The following VPS13B variants were observed in gnomAD, a reference collection of about 807,000 sequenced individuals.
The protein encoded by VPS13B is vacuolar protein sorting 13 homolog B, also known as intermembrane lipid transfer protein VPS13B.
In VPS13B, 285 loss-of-function variants were observed where a neutral mutation model predicts 426.4. The ratio of observed to expected loss-of-function variants is 0.67; its 90% CI spans 0.61 to 0.74. VPS13B has a LOEUF of 0.74. VPS13B is among the 30% of genes least tolerant of loss of function. The probability of loss-of-function intolerance (pLI) is 0.00; values close to 1 mark genes in which losing one functional copy is unlikely to be tolerated. For synonymous variants in VPS13B, 1,676 were observed against 1,676.4 expected (o/e 1.00, Z 0.01); for missense variants, 4,537 against 4,782.6 (o/e 0.95, Z 1.51).
At chr8:99,774,434 T>C (rs1192107782) in intron 40 of VPS13B, among the ~76,000 whole-genome samples, 1 of 152,200 alleles carries the variant, frequency 6.6e-6, no homozygotes, top group African/African-American at 2.4e-5. Context: ...ATCAATTTGT[T>C]ATAAGTAAAG....
In VPS13B at chr8:99,082,068, A is replaced by G. The variant is rs530878511; in HGVS notation, c.292-14244A>G. 2.6e-5 allele frequency among the ~76,000 whole-genome samples: 4 copies of G among 152,332 alleles called. No homozygotes were observed. In the East Asian group the frequency reaches 5.8e-4, roughly 22 times the overall value. ...TTCTACAGTGGTTGAACTAGTTTAT[A>G]GTCCCACCAACAGTGTAAAAGTGTT... On this transcript the variant is annotated intron_variant, in intron 3 of 61. Transcript: ENST00000357162.
chr8:99,768,393 GT>G (rs1430464589), intron 40 of VPS13B, among the ~76,000 whole-genome samples: 2 of 152,100 alleles, frequency 1.3e-5, no homozygotes, highest in African/African-American at 4.8e-5. Flanking sequence ...CTTTTACAAG[GT>G]TATAATCATA....
chr8:99,321,638 G>A (rs1444766300), intron 19 of VPS13B, among the ~76,000 whole-genome samples: 5 of 152,162 alleles, frequency 3.3e-5, no homozygotes, highest in Non-Finnish European at 5.9e-5. Flanking sequence ...TCTTAAAAAT[G>A]TAAGTACATC....
chr8:99,786,856 G>T (rs1416435124), intron 43 of VPS13B, among the ~76,000 whole-genome samples: 2 of 152,116 alleles, frequency 1.3e-5, no homozygotes, highest in African/African-American at 4.8e-5. Context: ...GGCCCAGAGG[G>T]TCTTCATGGG....
chr8:99,724,282 A>G (rs1833243780), intron 39 of VPS13B, among the ~76,000 whole-genome samples: 1 of 152,184 alleles, frequency 6.6e-6, no homozygotes, highest in Admixed American at 6.6e-5. Flanking sequence ...TCAGTCTAGC[A>G]GGGAAATTTC....
chr8:99,519,742 A>G (rs1588457820), intron 29 of VPS13B, among the ~76,000 whole-genome samples: 2 of 145,874 alleles, frequency 1.4e-5, no homozygotes, highest in South Asian at 2.3e-4. Flanking sequence ...GTAGGTGGGA[A>G]TTGAACAATG....
chr8:99,217,201 C>T (rs889278194), intron 17 of VPS13B, among the ~76,000 whole-genome samples: 5 of 152,134 alleles, frequency 3.3e-5, no homozygotes, highest in South Asian at 2.1e-4. Context: ...ACAATAATTG[C>T]TAACACATAA....
chr8:99,476,519 C>T (rs563300080), intron 24 of VPS13B, among the ~76,000 whole-genome samples: 3 of 151,868 alleles, frequency 2.0e-5, no homozygotes, highest in South Asian at 4.2e-4. Flanking sequence ...ATCTACATAC[C>T]TCATAATCCA....
At chr8:99,571,583 T>C (rs940549489) in intron 31 of VPS13B, among the ~76,000 whole-genome samples, 1 of 152,186 alleles carries the variant, frequency 6.6e-6, no homozygotes, top group Admixed American at 6.5e-5. Context: ...GTACCCTTTT[T>C]TTCATTGCCC....
chr8:99,162,678 G>A (rs1464611581), intron 15 of VPS13B, among the ~76,000 whole-genome samples: 1 of 152,144 alleles, frequency 6.6e-6, no homozygotes, highest in Non-Finnish European at 1.5e-5. Context: ...TCATGGTCTC[G>A]CTGGGCTCAG....
intron 21 of VPS13B, among the ~76,000 whole-genome samples, chr8:99,404,456 G>T (rs1815223076): frequency 1.3e-5 from 2 of 152,166 alleles, no homozygotes; most frequent in Admixed American, 1.3e-4. Flanking sequence ...ATGTCACGCT[G>T]ACTTGCAGAA....
chr8:99,610,774 A>T (rs1393020776), intron 33 of VPS13B, among the ~76,000 whole-genome samples: 2 of 152,208 alleles, frequency 1.3e-5, no homozygotes, highest in East Asian at 3.8e-4. Context: ...TTCAGAAAAT[A>T]AACAATATTA....
At chr8:99,303,861 T>C (rs11988631) in intron 19 of VPS13B, among the ~76,000 whole-genome samples, 1 of 151,958 alleles carries the variant, frequency 6.6e-6, no homozygotes. Flanking sequence ...CTCAGTAAGG[T>C]GATCTATTTT....
intron 17 of VPS13B, among the ~76,000 whole-genome samples, chr8:99,234,779 A>G (rs918518564): frequency 1.3e-5 from 2 of 152,224 alleles, no homozygotes; most frequent in African/African-American, 4.8e-5. Flanking sequence ...CATTTAAACT[A>G]TATACATTTT....
intron 6 of VPS13B, among the ~76,000 whole-genome samples, chr8:99,113,854 C>T (rs1419666733): frequency 2.6e-5 from 4 of 152,154 alleles, no homozygotes; most frequent in African/African-American, 4.8e-5. Flanking sequence ...TGAGTCACTG[C>T]GCCTGGCCCC....
Position 99,848,988 on chromosome 8 carries a change from T to C in VPS13B, c.10061+94T>C, listed in dbSNP as rs183224726. 2,057 of 1,182,336 alleles carry C rather than the reference T, an allele frequency of 1.7e-3. 5 individuals are homozygous for C. The highest frequency in any genetic ancestry group is 1.4e-3 in the Non-Finnish European group (1,070 of 791,630). The allele number at this position is 1,182,336 out of a possible 1,614,324, so 73.2% of individuals were successfully genotyped here. On this transcript the variant is annotated intron_variant, in intron 55 of 61. Transcript: ENST00000357162. ...TTATCTTTGTCATCTCCACATAATGTATTAAAGCTTTTGGTTAATTATCAT... is the reference window on the plus strand; with the variant it reads ...TTATCTTTGTCATCTCCACATAATGCATTAAAGCTTTTGGTTAATTATCAT...
intron 19 of VPS13B, among the ~76,000 whole-genome samples, chr8:99,322,852 C>G (rs932278245): frequency 6.6e-6 from 1 of 152,276 alleles, no homozygotes; most frequent in African/African-American, 2.4e-5. Context: ...TTCTTAAACA[C>G]GATTGTCTTA....
At chr8:99,196,645 G>A (rs1813950545) in intron 17 of VPS13B, among the ~76,000 whole-genome samples, 1 of 151,858 alleles carries the variant, frequency 6.6e-6, no homozygotes, top group African/African-American at 2.4e-5. Context: ...CACCATGTTG[G>A]TCAGGCTGGT....
intron 21 of VPS13B, among the ~76,000 whole-genome samples, chr8:99,412,646 G>C (rs1453081383): frequency 6.6e-6 from 1 of 152,080 alleles, no homozygotes; most frequent in African/African-American, 2.4e-5. Context: ...CTTGTCTTTT[G>C]CTGGTTTTCA....
Sources: gnomAD v4.1 joint callset for allele counts (sites outside exome capture counted in the v4.1 genomes callset) on GRCh38, gnomAD v4.1.1 for gene constraint, MANE v1.5 for transcripts, NCBI Gene and HGNC (gene_info 2026-07-23, HGNC 2026-07-21) for gene names.